PLD1: variants seen among roughly 807,000 people sequenced by gnomAD.
PLD1 encodes phospholipase D1.
Under a neutral mutation model 137.1 loss-of-function variants are expected in PLD1, and 112 were observed. The ratio of observed to expected loss-of-function variants is 0.82; its 90% CI spans 0.70 to 0.96. PLD1 has a LOEUF of 0.96. Ranked by LOEUF, PLD1 falls within the 40% of genes least tolerant of loss-of-function variation. The probability of loss-of-function intolerance (pLI) is 0.00; values close to 1 mark genes in which losing one functional copy is unlikely to be tolerated. For missense variants in PLD1, 1,321 were observed against 1,342.0 expected (o/e 0.98, Z 0.24); for synonymous variants, 431 against 454.7 (o/e 0.95, Z 0.66).
intron 6 of PLD1, among the ~76,000 whole-genome samples, chr3:171,732,626 G>T (rs921693228): frequency 7.2e-5 from 11 of 152,164 alleles, no homozygotes; most frequent in Admixed American, 1.3e-4. Context: ...TAAACTAGCG[G>T]ACAAATCACA....
At chr3:171,725,869 G>T in intron 7 of PLD1, 149 bp downstream of exon 7, 1 of 630,586 alleles carries the variant, frequency 1.6e-6, no homozygotes, top group Non-Finnish European at 2.9e-6. Flanking sequence ...TGATTTGTAT[G>T]AATAATTCCA....
intron 19 of PLD1, among the ~76,000 whole-genome samples, chr3:171,671,188 A>C (rs532023849): frequency 4.6e-5 from 7 of 152,318 alleles, no homozygotes; most frequent in Admixed American, 3.9e-4. Flanking sequence ...ATTTAGCTGG[A>C]TATTTCCAGC....
At chr3:171,635,965 C>CTTT (rs71178231) in intron 23 of PLD1, among the ~76,000 whole-genome samples, 895 of 49,160 alleles carry the variant, frequency 0.018, 19 homozygotes, top group East Asian at 0.033. Context: ...GGTTCAACTT[C>CTTT]TTTTTTTTTT....
In PLD1 at chr3:171,764,942, GAAAGAAAGAAAGAAAGAAAGAAAGAAA is replaced by G. The variant is rs1721832312; in HGVS notation, c.-31-26887_-31-26861del. 1.5e-3 allele frequency among the ~76,000 whole-genome samples: 23 copies of G among 15,366 alleles called. 4 individuals are homozygous for G. Among genetic ancestry groups the G allele is most frequent in the African/African-American group, 2.4e-3 (9 of 3,740 alleles). The allele number at this position is 15,366 out of a possible 152,430, so 10.1% of individuals were successfully genotyped here. On this transcript the variant is annotated intron_variant, in intron 1 of 26. Transcript: ENST00000351298. ...AAAGAAAGGAAAGAAAGGAAAGAAAGAAAGAAAGAAAGAAAGAAAGAAAGAAAGAAAGAAAGAAAGAAAGAAAGAAAG... is the reference window on the plus strand; with the variant it reads ...AAAGAAAGGAAAGAAAGGAAAGAAAGGAAAGAAAGAAAGAAAGAAAGAAAG...
chr3:171,758,506 T>C (rs1721182656), intron 1 of PLD1, among the ~76,000 whole-genome samples: 1 of 152,338 alleles, frequency 6.6e-6, no homozygotes, highest in South Asian at 2.1e-4. Context: ...GTGTGGTCCA[T>C]GGACTAGCCT....
intron 1 of PLD1, among the ~76,000 whole-genome samples, chr3:171,786,467 G>A (rs73879835): frequency 0.031 from 4,766 of 152,260 alleles, 274 homozygotes; most frequent in African/African-American, 0.11. Context: ...CAGAGTCAGA[G>A]AGAAATGCAG....
intron 17 of PLD1, 151 bp from the exon 18 acceptor site, chr3:171,676,984 A>G (rs949373231): frequency 1.7e-6 from 1 of 596,236 alleles, no homozygotes; most frequent in Admixed American, 3.1e-5. Context: ...TTTTATAATC[A>G]AGGGAAACAG....
intron 1 of PLD1, among the ~76,000 whole-genome samples, chr3:171,775,518 G>A (rs1282467786): frequency 6.6e-6 from 1 of 152,072 alleles, no homozygotes; most frequent in Non-Finnish European, 1.5e-5. Context: ...AGGTCCCCAT[G>A]GCACAAGTAA....
At chr3:171,628,186 T>C (rs1427414012) in intron 23 of PLD1, among the ~76,000 whole-genome samples, 5 of 152,124 alleles carry the variant, frequency 3.3e-5, no homozygotes, top group Non-Finnish European at 5.9e-5. Flanking sequence ...GATATCACCA[T>C]CGATCCCACA....
chr3:171,619,978 C>A (rs545368940), intron 24 of PLD1, among the ~76,000 whole-genome samples: 110 of 152,148 alleles, frequency 7.2e-4, no homozygotes, highest in African/African-American at 2.5e-3. Context: ...TATTGGACTG[C>A]TGGGTTAAAC....
Position 171,714,037 on chromosome 3 carries a change from A to G in PLD1, c.767T>C (p.Ile256Thr). The change falls in exon 9 of 27, where the codon ATA (isoleucine) becomes ACA (threonine). Residue 256 changes from isoleucine (I) to threonine (T), a missense_variant. Transcript: ENST00000351298. ...ACYRWSKRWL[I>T]VKDSFLLYMK... ...ATACAATAAAAAGGAATCTTTCACT[A>G]TTAACCATCTGTAAGAAGGTAGTAA... 6.3e-7 allele frequency: 1 copy of G among 1,596,050 alleles called. No homozygotes were observed. Among genetic ancestry groups the G allele is most frequent in the Non-Finnish European group, 8.6e-7 (1 of 1,164,542 alleles).
At chr3:171,636,124 C>G (rs975953440) in intron 23 of PLD1, among the ~76,000 whole-genome samples, 2 of 151,464 alleles carry the variant, frequency 1.3e-5, no homozygotes, top group African/African-American at 2.4e-5. Context: ...TTTAGATTCT[C>G]GACTCTATTC....
chr3:171,653,014 G>A (rs111548703), intron 21 of PLD1, among the ~76,000 whole-genome samples: 1 of 152,104 alleles, frequency 6.6e-6, no homozygotes, highest in African/African-American at 2.4e-5. Context: ...GGGAAGCTTT[G>A]TAGCTTACTG....
At chr3:171,757,065 T>C (rs1200574663) in intron 1 of PLD1, among the ~76,000 whole-genome samples, 1 of 152,228 alleles carries the variant, frequency 6.6e-6, no homozygotes, top group East Asian at 1.9e-4. Context: ...CATTTTTACA[T>C]TTCTTATAAC....
chr3:171,751,873 G>A (rs988964495), intron 1 of PLD1, among the ~76,000 whole-genome samples: 5 of 152,146 alleles, frequency 3.3e-5, no homozygotes, highest in East Asian at 1.9e-4. Flanking sequence ...GGTGATGGGC[G>A]CCTGTAGTGC....
chr3:171,788,736 G>C (rs141309398), intron 1 of PLD1: 88 of 152,206 alleles, frequency 5.8e-4, no homozygotes, highest in African/African-American at 2.0e-3. Flanking sequence ...GGTTATCTAC[G>C]TTCATAAAAA....
At chr3:171,710,134 C>T (rs998436808) in intron 9 of PLD1, among the ~76,000 whole-genome samples, 1 of 152,124 alleles carries the variant, frequency 6.6e-6, no homozygotes, top group African/African-American at 2.4e-5. Context: ...GCGATCTAGG[C>T]TCACTGCAAG....
rs1379603058 is a variant in PLD1, at chr3:171,629,838, T to C, written c.2594-9318A>G. 5.1e-3 allele frequency among the ~76,000 whole-genome samples: 775 copies of C among 152,220 alleles called. 3 individuals are homozygous for C. Among genetic ancestry groups the C allele is most frequent in the African/African-American group, 0.016 (683 of 41,494 alleles). On this transcript the variant is annotated intron_variant, in intron 23 of 26. Transcript: ENST00000351298. ...GAGAAAGCTGAAACTGGATCCCTTC[T>C]TTACACCTTATACAAAAATTAATTC...
Position 171,602,362 on chromosome 3 carries a change from T to C in PLD1, c.*716A>G, listed in dbSNP as rs1731888332. 6.6e-6 allele frequency: 1 copy of C among 152,308 alleles called. No homozygotes were observed. The highest frequency in any genetic ancestry group is 6.5e-5 in the Admixed American group (1 of 15,286). The allele number at this position is 152,308 out of a possible 1,614,324, so 9.4% of individuals were successfully genotyped here. On this transcript the variant is annotated 3_prime_UTR_variant, in exon 27 of 27. Transcript: ENST00000351298. Reference sequence around the variant, plus strand: ...CAAGGACTCATGTTGTCAGTGCCTTTGGGAGCAAAATGAAATAAATCTCTG... The same window carrying C: ...CAAGGACTCATGTTGTCAGTGCCTTCGGGAGCAAAATGAAATAAATCTCTG...
Sources: allele counts gnomAD v4.1 joint callset (sites outside exome capture counted in the v4.1 genomes callset), GRCh38; gene constraint gnomAD v4.1.1; transcripts MANE v1.5; gene names NCBI Gene and HGNC (gene_info 2026-07-23, HGNC 2026-07-21).